Variants in KCNMA1 observed in about 807,000 individuals in gnomAD.
KCNMA1 encodes the protein potassium calcium-activated channel subfamily M alpha 1, also known as Calcium-activated potassium channel subunit alpha-1.
In KCNMA1, 29 loss-of-function variants were observed where a neutral mutation model predicts 140.0. That is an observed-to-expected ratio of 0.21 (90% CI 0.15 to 0.28). The LOEUF is 0.28. Among genes scored for constraint, KCNMA1 ranks in the 10% least tolerant of loss-of-function variants. KCNMA1 has a pLI of 1.00. For missense variants in KCNMA1, 880 were observed against 1,602.2 expected (o/e 0.55, Z 7.70); for synonymous variants, 612 against 611.9 (o/e 1.00, Z 0.00).
chr10:77,209,684 G>C (rs1307009270), intron 3 of KCNMA1, among the ~76,000 whole-genome samples: 1 of 151,844 alleles, frequency 6.6e-6, no homozygotes, highest in Non-Finnish European at 1.5e-5. Flanking sequence ...AAAAAAAGAA[G>C]ATTCAAATAA....
At chr10:77,003,357 G>C (rs939458931) in intron 18 of KCNMA1, among the ~76,000 whole-genome samples, 1 of 152,118 alleles carries the variant, frequency 6.6e-6, no homozygotes, top group Admixed American at 6.6e-5. Flanking sequence ...TTGAATCAGA[G>C]GAATTTAGAA....
chr10:77,243,973 C>T (rs1373176467), intron 3 of KCNMA1, among the ~76,000 whole-genome samples: 1 of 152,186 alleles, frequency 6.6e-6, no homozygotes, highest in East Asian at 1.9e-4. Context: ...TCTTTTCCAC[C>T]TGGGATTATC....
chr10:77,510,178 T>C (rs2047843536), intron 1 of KCNMA1, among the ~76,000 whole-genome samples: 2 of 152,084 alleles, frequency 1.3e-5, no homozygotes, highest in South Asian at 4.2e-4. Flanking sequence ...AGATAAGCAA[T>C]GTCACCTTCC....
intron 3 of KCNMA1, among the ~76,000 whole-genome samples, chr10:77,212,821 A>G (rs2046500898): frequency 6.6e-6 from 1 of 152,138 alleles, no homozygotes; most frequent in Non-Finnish European, 1.5e-5. Flanking sequence ...TTCAATTCCT[A>G]CTACCACACT....
At chr10:77,230,345 A>G (rs2053163795) in intron 3 of KCNMA1, among the ~76,000 whole-genome samples, 1 of 152,198 alleles carries the variant, frequency 6.6e-6, no homozygotes, top group Admixed American at 6.5e-5. Flanking sequence ...GTTTACAGAA[A>G]TGTCTTGACT....
intron 1 of KCNMA1, among the ~76,000 whole-genome samples, chr10:77,561,035 C>T (rs2066201072): frequency 6.8e-6 from 1 of 146,310 alleles, no homozygotes; most frequent in Non-Finnish European, 1.5e-5. Flanking sequence ...GGGAACGGCT[C>T]CTCCTGACAA....
At chr10:77,282,974 G>A (rs1265396319) in intron 2 of KCNMA1, among the ~76,000 whole-genome samples, 1 of 152,260 alleles carries the variant, frequency 6.6e-6, no homozygotes, top group Non-Finnish European at 1.5e-5. Context: ...CTCTGGCAGA[G>A]TAAATGTTCT....
At chr10:76,871,287 T>C (rs2031271093) in exon 28 of KCNMA1, 1 of 152,844 alleles carries the variant, frequency 6.5e-6, no homozygotes, top group African/African-American at 2.4e-5. Flanking sequence ...ATTTCTTAGC[T>C]GCTGTACTCA....
At chr10:76,914,393 G>A (rs1461531192) in intron 24 of KCNMA1, 3 of 519,726 alleles carry the variant, frequency 5.8e-6, no homozygotes, top group African/African-American at 1.9e-5. Context: ...CCATCATTTT[G>A]GGGGCCAGAA....
chr10:76,992,064 C>T (rs952792105), intron 19 of KCNMA1, among the ~76,000 whole-genome samples: 1 of 152,162 alleles, frequency 6.6e-6, no homozygotes, highest in Non-Finnish European at 1.5e-5. Context: ...GTTTTCTCTG[C>T]AGCTCTAGGA....
intron 1 of KCNMA1, among the ~76,000 whole-genome samples, chr10:77,569,995 A>G (rs2154560669): frequency 6.6e-6 from 1 of 152,248 alleles, no homozygotes; most frequent in South Asian, 2.1e-4. Flanking sequence ...AATGCTCACC[A>G]TCACTGGCCA....
chr10:77,449,438 G>C (rs1479503870), intron 1 of KCNMA1, among the ~76,000 whole-genome samples: 1 of 139,424 alleles, frequency 7.2e-6, no homozygotes, highest in Non-Finnish European at 1.5e-5. Flanking sequence ...GCTGGTATAT[G>C]CATCCCTCCC....
intron 1 of KCNMA1, among the ~76,000 whole-genome samples, chr10:77,464,457 T>TA (rs5786289): frequency 9.1e-4 from 134 of 146,790 alleles, no homozygotes; most frequent in Admixed American, 2.0e-3. Flanking sequence ...ATCTCTCCAT[T>TA]AAAAAAAAAA....
At chr10:77,457,291 A>G (rs1373462382) in intron 1 of KCNMA1, among the ~76,000 whole-genome samples, 2 of 152,164 alleles carry the variant, frequency 1.3e-5, no homozygotes, top group Non-Finnish European at 2.9e-5. Flanking sequence ...GCAGGAATGC[A>G]GGCAGAAGTC....
intron 2 of KCNMA1, among the ~76,000 whole-genome samples, chr10:77,333,390 A>AAGAG (rs1348959043): frequency 8.4e-5 from 6 of 71,492 alleles, no homozygotes; most frequent in African/African-American, 3.7e-4. Flanking sequence ...GAGAGAAAGA[A>AAGAG]AGAAAGAAAG....
exon 28 of KCNMA1, chr10:76,871,783 C>T (rs984691000): frequency 6.6e-6 from 1 of 152,218 alleles, no homozygotes; most frequent in Non-Finnish European, 1.5e-5. Flanking sequence ...CTTGTTGAAC[C>T]ACTTCAAACC....
chr10:76,911,464 C>T (rs2050212583), intron 24 of KCNMA1: 1 of 152,216 alleles, frequency 6.6e-6, no homozygotes, highest in African/African-American at 2.4e-5. Context: ...GCCTGTGCTG[C>T]CAACTTCCTT....
intron 9 of KCNMA1, among the ~76,000 whole-genome samples, chr10:77,105,582 G>C (rs906826797): frequency 2.6e-5 from 4 of 151,950 alleles, no homozygotes; most frequent in Non-Finnish European, 2.9e-5. Context: ...TTTCTTTCTG[G>C]GCATTTATTT....
intron 1 of KCNMA1, among the ~76,000 whole-genome samples, chr10:77,517,670 C>T (rs1190231930): frequency 6.6e-6 from 1 of 152,170 alleles, no homozygotes; most frequent in Non-Finnish European, 1.5e-5. Context: ...CCCTCCGACT[C>T]CTGCCCATCT....
Sources: allele counts gnomAD v4.1 joint callset (sites outside exome capture counted in the v4.1 genomes callset), GRCh38; gene constraint gnomAD v4.1.1; transcripts MANE v1.5; gene names NCBI Gene and HGNC (gene_info 2026-07-23, HGNC 2026-07-21).